SLC1A2: variants seen among roughly 807,000 people sequenced by gnomAD.
SLC1A2 encodes the protein excitatory amino acid transporter 2.
SLC1A2 carries 15 observed loss-of-function variants against 48.8 expected under a neutral mutation model. The ratio of observed to expected loss-of-function variants is 0.31; its 90% CI spans 0.21 to 0.47. The LOEUF (loss-of-function observed/expected upper bound fraction) is 0.47. Among genes scored for constraint, SLC1A2 ranks in the 20% least tolerant of loss-of-function variants. SLC1A2 has a pLI of 0.99. For synonymous variants in SLC1A2, 279 were observed against 272.6 expected, an observed-to-expected ratio of 1.02 and a Z score of -0.23; for missense variants, 502 against 730.5, an observed-to-expected ratio of 0.69 and a Z score of 3.61.
In SLC1A2 at chr11:35,252,537, G is replaced by C. The variant is rs1031651996; in HGVS notation, c.*8357C>G. The C allele has an allele frequency of 6.6e-6, 1 of 152,134 alleles. No individual in the cohort carries two copies. The highest frequency in any genetic ancestry group is 1.5e-5 in the Non-Finnish European group (1 of 68,042). 9.4% of individuals were successfully genotyped at this position (152,134 alleles called of 1,614,324 possible). A position where few individuals can be genotyped will look rare whatever the true frequency, so the allele number is the denominator to read the frequency against. ...CACACACCCAGCCCATCCCTGCTCTGAATTGTGTATTTACAAAGGTGCTGG... is the reference window on the plus strand; with the variant it reads ...CACACACCCAGCCCATCCCTGCTCTCAATTGTGTATTTACAAAGGTGCTGG... On this transcript the variant is annotated 3_prime_UTR_variant, in exon 11 of 11. Coordinates refer to ENST00000278379, the MANE Select transcript of SLC1A2 (RefSeq NM_004171.4).
chr11:35,283,638 G>A (rs910032852), intron 8 of SLC1A2, among the ~76,000 whole-genome samples: 2 of 152,026 alleles, frequency 1.3e-5, no homozygotes, highest in Non-Finnish European at 2.9e-5. Context: ...GAACTTAATG[G>A]AAAATATGGT....
chr11:35,402,721 T>G (rs186318538), intron 1 of SLC1A2, among the ~76,000 whole-genome samples: 4 of 152,138 alleles, frequency 2.6e-5, no homozygotes, highest in Non-Finnish European at 4.4e-5. Flanking sequence ...ATCTGTAGGA[T>G]AGCCATAGCC....
chr11:35,315,174 A>G lies in SLC1A2; in HGVS notation c.159T>C (p.Gly53=). The G allele has an allele frequency of 6.2e-7, 1 of 1,612,994 alleles. No individual in the cohort carries two copies. The highest frequency in any genetic ancestry group is 1.1e-5 in the South Asian group (1 of 91,034). The change falls in exon 3 of 11, where the codon GGT becomes GGC. Residue 53 remains glycine, a splice_region_variant and synonymous_variant. Transcript: ENST00000278379. ...KNLLLTLTVF[G]VILGAVCGGL... ...CTCCACACACTGCTCCCAGGATGAC[A>G]CCTAAAAGGAAGGGGAAAACAATAT...
chr11:35,373,450 G>A (rs1854123762), intron 1 of SLC1A2, among the ~76,000 whole-genome samples: 1 of 152,194 alleles, frequency 6.6e-6, no homozygotes, highest in Admixed American at 6.5e-5. Context: ...CAAGCAAAGG[G>A]CTGGGGAGCA....
At chr11:35,323,087 T>C (rs1028806608) in intron 1 of SLC1A2, 2 of 348,486 alleles carry the variant, frequency 5.7e-6, no homozygotes, top group Non-Finnish European at 1.1e-5. Context: ...CCTTCTTCTA[T>C]TCATTGTGTC....
At chr11:35,374,233 C>G in intron 1 of SLC1A2, 1 of 703,932 alleles carries the variant, frequency 1.4e-6, no homozygotes, top group East Asian at 4.2e-5. Context: ...TGATTTATAG[C>G]TAAGACTCCA....
At chr11:35,389,992 A>C (rs1432185880) in intron 1 of SLC1A2, among the ~76,000 whole-genome samples, 1 of 152,204 alleles carries the variant, frequency 6.6e-6, no homozygotes, top group Admixed American at 6.5e-5. Context: ...AAAGCTAAGA[A>C]TAGAGATAAT....
intron 1 of SLC1A2, among the ~76,000 whole-genome samples, chr11:35,384,034 A>G (rs538206176): frequency 6.6e-6 from 1 of 152,368 alleles, no homozygotes; most frequent in Admixed American, 6.5e-5. Context: ...AGCAAAGTTT[A>G]GCAATGGCCT....
At chr11:35,274,755 A>T (rs1022903488) in intron 9 of SLC1A2, among the ~76,000 whole-genome samples, 5 of 152,250 alleles carry the variant, frequency 3.3e-5, no homozygotes, top group African/African-American at 1.2e-4. Context: ...TAAAACAATG[A>T]TAATACTATT....
intron 1 of SLC1A2, among the ~76,000 whole-genome samples, chr11:35,357,454 T>C (rs1244876141): frequency 6.6e-6 from 1 of 152,192 alleles, no homozygotes; most frequent in Non-Finnish European, 1.5e-5. Context: ...AAAAGCATTA[T>C]AAATCTGTTT....
chr11:35,265,278 T>C (rs1591401752), intron 10 of SLC1A2: 3 of 542,872 alleles, frequency 5.5e-6, no homozygotes, highest in South Asian at 2.8e-5. Flanking sequence ...GGAACCCGAA[T>C]GGTTGTTTCA....
At chr11:35,333,743 C>T (rs1422863334) in intron 1 of SLC1A2, among the ~76,000 whole-genome samples, 4 of 151,972 alleles carry the variant, frequency 2.6e-5, no homozygotes, top group South Asian at 4.1e-4. Context: ...CTCACTATAA[C>T]CTCTGCCTCC....
intron 1 of SLC1A2, among the ~76,000 whole-genome samples, chr11:35,357,830 G>T (rs1853537086): frequency 6.6e-6 from 1 of 152,114 alleles, no homozygotes; most frequent in Admixed American, 6.6e-5. Flanking sequence ...TATTAAAATG[G>T]TTTAAGTTCT....
intron 3 of SLC1A2, among the ~76,000 whole-genome samples, chr11:35,314,198 T>C (rs1851794378): frequency 6.6e-6 from 1 of 152,230 alleles, no homozygotes. Context: ...AAATCATACA[T>C]TGGCCAACTT....
chr11:35,417,935 C>G (rs544031868), intron 1 of SLC1A2, among the ~76,000 whole-genome samples: 1 of 152,334 alleles, frequency 6.6e-6, no homozygotes, highest in Non-Finnish European at 1.5e-5. Flanking sequence ...AACACCACCA[C>G]TTGAGCCCAG....
At chr11:35,359,760 A>G (rs750123747) in intron 1 of SLC1A2, among the ~76,000 whole-genome samples, 1 of 152,156 alleles carries the variant, frequency 6.6e-6, no homozygotes, top group Non-Finnish European at 1.5e-5. Flanking sequence ...TCAGAAACCA[A>G]TTGTTTTTCC....
At chr11:35,364,190 T>A (rs1853771251) in intron 1 of SLC1A2, among the ~76,000 whole-genome samples, 2 of 152,182 alleles carry the variant, frequency 1.3e-5, no homozygotes, top group African/African-American at 4.8e-5. Flanking sequence ...AAGCAGCCTC[T>A]TGGCATTTTA....
At chr11:35,261,843 T>C (rs146718004) in intron 10 of SLC1A2, 4 of 397,552 alleles carry the variant, frequency 1.0e-5, no homozygotes, top group Non-Finnish European at 8.9e-6. Context: ...AATGCATGCA[T>C]CATGACCACA....
At chr11:35,365,827 A>T (rs148151233) in intron 1 of SLC1A2, among the ~76,000 whole-genome samples, 1 of 152,164 alleles carries the variant, frequency 6.6e-6, no homozygotes, top group Non-Finnish European at 1.5e-5. Flanking sequence ...AGCAATGCAT[A>T]TATGGTCTAC....
Sources: gnomAD v4.1 joint callset for allele counts (sites outside exome capture counted in the v4.1 genomes callset) on GRCh38, gnomAD v4.1.1 for gene constraint, MANE v1.5 for transcripts, NCBI Gene and HGNC (gene_info 2026-07-23, HGNC 2026-07-21) for gene names.